TM4SF4: variants seen among roughly 807,000 people sequenced by gnomAD.
The protein encoded by TM4SF4 is transmembrane 4 L6 family member 4.
Under a neutral mutation model 24.1 loss-of-function variants are expected in TM4SF4, and 24 were observed. The observed-to-expected ratio is 1.00, with a 90% CI of 0.72 to 1.40. The LOEUF (loss-of-function observed/expected upper bound fraction) is 1.40, where lower values mean the gene tolerates loss of function less well. Among genes scored for constraint, TM4SF4 ranks in the 40% most tolerant of loss-of-function variants. TM4SF4 has a pLI of 0.00. For synonymous variants in TM4SF4, 113 were observed against 97.0 expected (o/e 1.17, Z -0.97); for missense variants, 254 against 254.2 (o/e 1.00, Z 0.01).
At chr3:149,488,358 A>C (rs1734156231) in intron 3 of TM4SF4, among the ~76,000 whole-genome samples, 1 of 152,234 alleles carries the variant, frequency 6.6e-6, no homozygotes, top group Admixed American at 6.5e-5. Context: ...AGTAACCTCA[A>C]GAGGTAATTA....
At chr3:149,496,775 A>G (rs7375002) in intron 3 of TM4SF4, among the ~76,000 whole-genome samples, 1 of 152,176 alleles carries the variant, frequency 6.6e-6, no homozygotes, top group Non-Finnish European at 1.5e-5. Flanking sequence ...TCTCAAAAAA[A>G]TAAAAAAGGA....
At position 149,503,069 on chromosome 3, in the gene TM4SF4, A is replaced by G. The variant is rs893937221; in HGVS notation, c.*376A>G. On this transcript the variant is annotated 3_prime_UTR_variant, in exon 5 of 5. Coordinates refer to ENST00000305354, the MANE Select transcript of TM4SF4 (RefSeq NM_004617.4). ...TTTATATCTTTGGAAGTTTTACATA[A>G]ATCAAAGGAAGAAAGCACATTTAAA... is the stretch of plus-strand genomic sequence containing the variant. The G allele has an allele frequency of 2.4e-5, 4 of 168,966 alleles. No individual in the cohort carries two copies. The highest frequency in any genetic ancestry group is 3.8e-5 in the Non-Finnish European group (3 of 79,488). The allele number at this position is 168,966 out of a possible 1,614,324, so 10.5% of individuals were successfully genotyped here. A position where few individuals can be genotyped will look rare whatever the true frequency, so the allele number is the denominator to read the frequency against.
At chr3:149,493,792 C>T (rs969094520) in intron 3 of TM4SF4, among the ~76,000 whole-genome samples, 1 of 152,168 alleles carries the variant, frequency 6.6e-6, no homozygotes, top group Non-Finnish European at 1.5e-5. Context: ...GGCGGAAACA[C>T]AGAGCGCTGG....
Position 149,485,921 on chromosome 3 carries a change from A to G in TM4SF4, c.265-1698A>G, listed in dbSNP as rs117638523. 1.4e-3 allele frequency among the ~76,000 whole-genome samples: 215 copies of G among 152,378 alleles called. 5 individuals are homozygous for G. The East Asian group carries it at 0.036, about 25-fold the overall frequency. ...AGATGAAGAATGAAGGGTCAGTTCTACAAGGAGAGTCAGACAAAGCACATG... is the reference window on the plus strand; with the variant it reads ...AGATGAAGAATGAAGGGTCAGTTCTGCAAGGAGAGTCAGACAAAGCACATG... On this transcript the variant is annotated intron_variant, in intron 2 of 4. Coordinates refer to ENST00000305354, the MANE Select transcript of TM4SF4 (RefSeq NM_004617.4).
rs1234308511 is a variant in TM4SF4 at position 149,493,438 on chromosome 3, C to A, written c.402-5284C>A. Among the ~76,000 whole-genome samples, 4 of 152,216 alleles carry A rather than the reference C, an allele frequency of 2.6e-5. No homozygotes were observed. The East Asian group carries it at 7.7e-4, about 29-fold the overall frequency. ...AGACAGACCTAAGTTCAAACCCAGGCACTTCCATTTACTAGCCTCACCTTC... is the reference window on the plus strand; with the variant it reads ...AGACAGACCTAAGTTCAAACCCAGGAACTTCCATTTACTAGCCTCACCTTC... On this transcript the variant is annotated intron_variant, in intron 3 of 4. Transcript: ENST00000305354.
chr3:149,487,568 T>C, intron 2 of TM4SF4, 51 bp from the exon 3 acceptor site: 2 of 1,609,738 alleles, frequency 1.2e-6, no homozygotes, highest in Non-Finnish European at 1.7e-6. Flanking sequence ...TTGTTGAGTG[T>C]ATCCTCTGGA....
At chr3:149,476,697 T>C (rs1447573352) in intron 2 of TM4SF4, among the ~76,000 whole-genome samples, 6 of 152,200 alleles carry the variant, frequency 3.9e-5, no homozygotes, top group African/African-American at 9.6e-5. Flanking sequence ...AGAATGTCAT[T>C]CCCATTCAAT....
chr3:149,476,802 GTTTTTGTTTTTGT>G (rs1733937360), intron 2 of TM4SF4, among the ~76,000 whole-genome samples: 1 of 51,604 alleles, frequency 1.9e-5, no homozygotes, highest in Non-Finnish European at 5.9e-5. Context: ...GTTTTTTTTT[GTTTTTGTTTTTGT>G]TTTTTTTTTT....
intron 3 of TM4SF4, among the ~76,000 whole-genome samples, chr3:149,490,174 C>T (rs1245875840): frequency 1.3e-5 from 2 of 152,164 alleles, no homozygotes; most frequent in Non-Finnish European, 2.9e-5. Context: ...AGGGGATGGG[C>T]CCAGGTTTCA....
intron 2 of TM4SF4, among the ~76,000 whole-genome samples, chr3:149,480,792 T>C (rs1269851876): frequency 4.6e-5 from 7 of 152,206 alleles, no homozygotes; most frequent in Non-Finnish European, 2.9e-5. Flanking sequence ...TATTTCTTCT[T>C]TTTTCCAGAT....
chr3:149,483,143 C>T (rs1019253453), intron 2 of TM4SF4, among the ~76,000 whole-genome samples: 2 of 131,042 alleles, frequency 1.5e-5, no homozygotes, highest in Non-Finnish European at 3.5e-5. Context: ...CCAGACCACT[C>T]AGAACCTATT....
intron 3 of TM4SF4, among the ~76,000 whole-genome samples, chr3:149,491,512 T>TAC (rs1333444206): frequency 7.9e-5 from 12 of 151,588 alleles, no homozygotes; most frequent in African/African-American, 1.5e-4. Flanking sequence ...TATATATATA[T>TAC]ACACACACAC....
At chr3:149,500,093 T>G (rs1576523829) in intron 4 of TM4SF4, among the ~76,000 whole-genome samples, 3 of 152,134 alleles carry the variant, frequency 2.0e-5, no homozygotes, top group Admixed American at 6.5e-5. Context: ...CAGTATCTCT[T>G]TTTATTATTT....
intron 3 of TM4SF4, 123 bp downstream of exon 3, chr3:149,487,878 C>G: frequency 7.4e-6 from 10 of 1,352,390 alleles, no homozygotes; most frequent in Non-Finnish European, 1.0e-5. Flanking sequence ...GCTCGGTGCT[C>G]CTTTGAGGCA....
At chr3:149,488,871 T>TA (rs925265509) in intron 3 of TM4SF4, among the ~76,000 whole-genome samples, 35 of 152,136 alleles carry the variant, frequency 2.3e-4, no homozygotes, top group Admixed American at 1.0e-3. Context: ...GATTTGTGCC[T>TA]AAAAAAAATC....
intron 4 of TM4SF4, 105 bp downstream of exon 4, chr3:149,499,016 G>A: frequency 8.1e-7 from 1 of 1,234,422 alleles, no homozygotes; most frequent in Non-Finnish European, 1.1e-6. Flanking sequence ...GGAATGAGGG[G>A]GTAAGTGTGG....
chr3:149,475,204 G>A (rs540512190), intron 1 of TM4SF4, among the ~76,000 whole-genome samples, 153 bp downstream of exon 1: 14 of 152,064 alleles, frequency 9.2e-5, no homozygotes, highest in African/African-American at 1.9e-4. Flanking sequence ...TTTTTTTCTC[G>A]TTTCTGTTAG....
intron 3 of TM4SF4, among the ~76,000 whole-genome samples, chr3:149,494,199 T>C (rs6787169): frequency 0.97 from 148,291 of 152,268 alleles, 72,225 homozygotes; most frequent in East Asian, 1. Context: ...TCTCAAAGAC[T>C]GCCAGAACCA....
intron 2 of TM4SF4, among the ~76,000 whole-genome samples, chr3:149,479,285 G>A (rs1733990908): frequency 6.6e-6 from 1 of 151,948 alleles, no homozygotes; most frequent in Non-Finnish European, 1.5e-5. Context: ...CATGCCCCCT[G>A]CTTCAGACTC....
Sources: gnomAD v4.1 joint callset for allele counts (sites outside exome capture counted in the v4.1 genomes callset) on GRCh38, gnomAD v4.1.1 for gene constraint, MANE v1.5 for transcripts, NCBI Gene and HGNC (gene_info 2026-07-23, HGNC 2026-07-21) for gene names.